Variants in CDK5RAP2 observed in about 807,000 individuals in gnomAD.
CDK5RAP2 encodes CDK5 regulatory subunit-associated protein 2.
A neutral mutation model predicts 232.9 loss-of-function variants in CDK5RAP2; 147 were observed. The observed-to-expected ratio is 0.63, with a 90% CI of 0.55 to 0.72. The LOEUF (loss-of-function observed/expected upper bound fraction) is 0.72. Among genes scored for constraint, CDK5RAP2 ranks in the 30% least tolerant of loss-of-function variants. The pLI, the probability that CDK5RAP2 is intolerant of heterozygous loss-of-function variation, is 0.00. For synonymous variants in CDK5RAP2, 833 were observed against 833.7 expected (o/e 1.00, Z 0.01); for missense variants, 2,195 against 2,231.5 (o/e 0.98, Z 0.33).
At chr9:120,514,146 A>G (rs956336259) in intron 12 of CDK5RAP2, among the ~76,000 whole-genome samples, 6 of 152,210 alleles carry the variant, frequency 3.9e-5, no homozygotes, top group Non-Finnish European at 7.3e-5. Context: ...CCACGGCCAA[A>G]TCATCTTGTT....
rs1201069930 is a variant in CDK5RAP2 at position 120,518,470 on chromosome 9, T to C, written c.1268A>G (p.Glu423Gly). Residue 423 changes from glutamate (E) to glycine (G), a missense_variant, in exon 12 of 38, where the codon GAG becomes GGG. Coordinates refer to ENST00000349780, the MANE Select transcript of CDK5RAP2 (RefSeq NM_018249.6). ...TTTGCTCTTCTCTCGATGGGCTTCCTCCAGGTCCTTCTCCAGTCTCTCCCT... is the reference window on the plus strand; with the variant it reads ...TTTGCTCTTCTCTCGATGGGCTTCCCCCAGGTCCTTCTCCAGTCTCTCCCT... ...QERERLEKDL[E>G]EAHREKSKGD... 6.2e-7 allele frequency: 1 copy of C among 1,613,868 alleles called. No individual in the cohort carries two copies. The highest frequency in any genetic ancestry group is 1.1e-5 in the South Asian group (1 of 90,998).
intron 27 of CDK5RAP2, among the ~76,000 whole-genome samples, chr9:120,417,732 GAAT>G (rs2034318422): frequency 6.6e-6 from 1 of 152,112 alleles, no homozygotes; most frequent in African/African-American, 2.4e-5. Flanking sequence ...CTCTCTCTTA[GAAT>G]AATGCCCTTT....
intron 14 of CDK5RAP2, among the ~76,000 whole-genome samples, chr9:120,483,591 G>A (rs1224032255): frequency 6.6e-6 from 1 of 152,216 alleles, no homozygotes; most frequent in Non-Finnish European, 1.5e-5. Context: ...TCTATGGCTT[G>A]CAACCAAAAG....
At chr9:120,393,556 T>A (rs1025953422) in intron 36 of CDK5RAP2, among the ~76,000 whole-genome samples, 1 of 152,184 alleles carries the variant, frequency 6.6e-6, no homozygotes, top group Admixed American at 6.5e-5. Context: ...CAGTCAGCAG[T>A]TCTCTTAAGA....
intron 1 of CDK5RAP2, 63 bp downstream of exon 1, chr9:120,579,857 A>G: frequency 1.5e-6 from 2 of 1,364,162 alleles, no homozygotes; most frequent in Non-Finnish European, 2.1e-6. Context: ...GCCGCGTTAG[A>G]ACGAAATCCC....
intron 4 of CDK5RAP2, 81 bp from the exon 5 acceptor site, chr9:120,545,871 A>T: frequency 1.9e-6 from 2 of 1,078,310 alleles, no homozygotes; most frequent in South Asian, 1.2e-5. Flanking sequence ...AACTGCTTCC[A>T]GCACAGACTG....
chr9:120,448,136 C>T lies in CDK5RAP2; in HGVS notation c.2794-10G>A. On this transcript the variant is annotated splice_polypyrimidine_tract_variant and intron_variant, in intron 21 of 37. Coordinates refer to ENST00000349780, the MANE Select transcript of CDK5RAP2 (RefSeq NM_018249.6). ...GGGACTTCTTAGCCTCCTGAAAACA[C>T]ACATATGCAACAATGAATACACTTT... is the stretch of plus-strand genomic sequence containing the variant. 1.3e-6 allele frequency: 2 copies of T among 1,585,624 alleles called. No homozygotes were observed. The highest frequency in any genetic ancestry group is 1.7e-6 in the Non-Finnish European group (2 of 1,153,950).
chr9:120,573,471 C>A (rs2042924877), intron 1 of CDK5RAP2, among the ~76,000 whole-genome samples: 1 of 151,632 alleles, frequency 6.6e-6, no homozygotes, highest in Admixed American at 6.6e-5. Flanking sequence ...ATCACTTGAA[C>A]CCAGGAGGCA....
rs144379231 is a variant in CDK5RAP2, at chr9:120,463,676, T to C, written c.2107-3009A>G. On this transcript the variant is annotated intron_variant, in intron 18 of 37. Transcript: ENST00000349780. Reference sequence around the variant, plus strand: ...TAACACATCATTCCAAGTTGAAATATGAAAAGCGTCAAAGTTATTCTGCAT... The same window carrying C: ...TAACACATCATTCCAAGTTGAAATACGAAAAGCGTCAAAGTTATTCTGCAT... 4.9e-3 allele frequency among the ~76,000 whole-genome samples: 740 copies of C among 152,344 alleles called. 7 individuals carry two copies. The highest frequency in any genetic ancestry group is 0.017 in the African/African-American group (696 of 41,574).
intron 3 of CDK5RAP2, among the ~76,000 whole-genome samples, chr9:120,566,646 T>C (rs2042657207): frequency 6.6e-6 from 1 of 152,194 alleles, no homozygotes; most frequent in Non-Finnish European, 1.5e-5. Context: ...AACAACCCTA[T>C]GAAGTAGGTA....
intron 3 of CDK5RAP2, among the ~76,000 whole-genome samples, chr9:120,555,629 A>G (rs1441232084): frequency 6.6e-6 from 1 of 152,158 alleles, no homozygotes; most frequent in Non-Finnish European, 1.5e-5. Flanking sequence ...TGGCACAGAC[A>G]CTCTAGATAT....
intron 22 of CDK5RAP2, 45 bp from the exon 23 acceptor site, chr9:120,443,787 G>A (rs777423076): frequency 6.2e-7 from 1 of 1,611,746 alleles, no homozygotes; most frequent in East Asian, 2.2e-5. Flanking sequence ...AAAACCGTAA[G>A]ACCTGAAACT....
chr9:120,481,317 C>T (rs2038293548), intron 14 of CDK5RAP2, among the ~76,000 whole-genome samples: 1 of 152,076 alleles, frequency 6.6e-6, no homozygotes, highest in African/African-American at 2.4e-5. Context: ...GCAAGGGTAA[C>T]ATCATCACTG....
At chr9:120,562,174 T>G (rs2042485335) in intron 3 of CDK5RAP2, among the ~76,000 whole-genome samples, 1 of 152,198 alleles carries the variant, frequency 6.6e-6, no homozygotes, top group Non-Finnish European at 1.5e-5. Context: ...CTGGGCTGTT[T>G]CCCTAGTATC....
At chr9:120,483,438 T>G (rs144118412) in intron 14 of CDK5RAP2, among the ~76,000 whole-genome samples, 1 of 152,206 alleles carries the variant, frequency 6.6e-6, no homozygotes, top group African/African-American at 2.4e-5. Context: ...GGGACTCAGA[T>G]GAGGTCCATG....
At position 120,397,555 on chromosome 9, in the gene CDK5RAP2, AAAAAAAAAAAG is replaced by A. The variant is rs1392755220; in HGVS notation, c.5452-2928_5452-2918del. Among the ~76,000 whole-genome samples the A allele has an allele frequency of 2.7e-4, 38 of 141,292 alleles. No individual in the cohort carries two copies. In the South Asian group the frequency reaches 3.5e-3, roughly 13 times the overall value. The allele number at this position is 141,292 out of a possible 152,430, so 92.7% of individuals were successfully genotyped here. A position where few individuals can be genotyped will look rare whatever the true frequency, so the allele number is the denominator to read the frequency against. On this transcript the variant is annotated intron_variant, in intron 35 of 37. Transcript: ENST00000349780. ...CATAAAAACATTCTTAAAAAAAAAA[AAAAAAAAAAAG>A]AAAAAAGAAAAAAAAAAAAGCCCAA...
At chr9:120,551,031 C>T (rs2042024103) in intron 3 of CDK5RAP2, 129 bp from the exon 4 acceptor site, 2 of 686,188 alleles carry the variant, frequency 2.9e-6, no homozygotes, top group Non-Finnish European at 5.3e-6. Flanking sequence ...CTAGAGAAAG[C>T]TTATTTTTGC....
At chr9:120,542,410 C>G (rs1390582156) in intron 5 of CDK5RAP2, among the ~76,000 whole-genome samples, 1 of 150,506 alleles carries the variant, frequency 6.6e-6, no homozygotes, top group Non-Finnish European at 1.5e-5. Context: ...GAGGCTGAGG[C>G]AGAAGAATCA....
Position 120,439,587 on chromosome 9 carries a change from T to C in CDK5RAP2, c.3534A>G (p.Arg1178=). The C allele has an allele frequency of 6.2e-7, 1 of 1,614,220 alleles. No homozygotes were observed. Among genetic ancestry groups the C allele is most frequent in the Non-Finnish European group, 8.5e-7 (1 of 1,180,034 alleles). The change falls in exon 24 of 38, where the codon CGA becomes CGG. Residue 1178 remains arginine, a synonymous_variant. Coordinates refer to ENST00000349780, the MANE Select transcript of CDK5RAP2 (RefSeq NM_018249.6). ...CGAGGATTTTCACGTGTTTCACGTA[T>C]CGCACTTGGTGCAAACTTGAAAAGG... ...EMTFSSLHQV[R]YVKHVKILGP...
Sources: gnomAD v4.1 joint callset for allele counts (sites outside exome capture counted in the v4.1 genomes callset) on GRCh38, gnomAD v4.1.1 for gene constraint, MANE v1.5 for transcripts, NCBI Gene and HGNC (gene_info 2026-07-23, HGNC 2026-07-21) for gene names.